Variants in FOXP2 observed in about 807,000 individuals in gnomAD.
The protein encoded by FOXP2 is forkhead box protein P2.
FOXP2 carries 12 observed loss-of-function variants against 115.8 expected under a neutral mutation model. The ratio of observed to expected loss-of-function variants is 0.10; its 90% CI spans 0.07 to 0.17. The LOEUF (loss-of-function observed/expected upper bound fraction) is 0.17, where lower values mean the gene tolerates loss of function less well. Ranked by LOEUF, FOXP2 falls within the 10% of genes least tolerant of loss-of-function variation. FOXP2 has a pLI of 1.00. For synonymous variants in FOXP2, 328 were observed against 297.7 expected (o/e 1.10, Z -1.05); for missense variants, 629 against 843.5 (o/e 0.75, Z 3.15).
intron 2 of FOXP2, among the ~76,000 whole-genome samples, chr7:114,378,701 A>AAAAAAAAAAAAAAAAAAAAAAAAAAG (rs1554380027): frequency 2.5e-4 from 27 of 106,786 alleles, no homozygotes; most frequent in Admixed American, 5.5e-4. Context: ...AAAAAAAAAA[A>AAAAAAAAAAAAAAAAAAAAAAAAAAG]GGAAAAGAAA....
At position 114,587,879 on chromosome 7, in the gene FOXP2, A is replaced by ATATATATATATATATAT; in HGVS notation, c.259-40661_259-40660insTATATATATATATATAT. Among the ~76,000 whole-genome samples, 72 of 76,364 alleles carry ATATATATATATATATAT rather than the reference A, an allele frequency of 9.4e-4. 1 individual carries two copies. The highest frequency in any genetic ancestry group is 5.3e-3 in the Middle Eastern group (1 of 190). The allele number at this position is 76,364 out of a possible 152,430, so 50.1% of individuals were successfully genotyped here. On this transcript the variant is annotated intron_variant, in intron 3 of 16. Coordinates refer to ENST00000350908, the MANE Select transcript of FOXP2 (RefSeq NM_014491.4). The stretch of plus-strand genomic sequence containing the variant: ...CTAATTGGGTGAATAAGAGATAATT[A>ATATATATATATATATAT]AATCCACCTTTCTTAGTGCCTTATT...
intron 2 of FOXP2, among the ~76,000 whole-genome samples, chr7:114,381,611 C>T (rs1349787265): frequency 6.6e-6 from 1 of 152,170 alleles, no homozygotes; most frequent in African/African-American, 2.4e-5. Flanking sequence ...GACTGTAAAC[C>T]ACTCTGCTTC....
Position 114,430,479 on chromosome 7 carries a change from G to C in FOXP2, c.168+3800G>C, listed in dbSNP as rs57105038. Among the ~76,000 whole-genome samples the C allele has an allele frequency of 7.0e-3, 1,069 of 151,804 alleles. 11 individuals carry two copies. The highest frequency in any genetic ancestry group is 0.025 in the African/African-American group (1,019 of 41,512). On this transcript the variant is annotated intron_variant, in intron 2 of 16. Transcript: ENST00000350908. Reference sequence around the variant, plus strand: ...GATTTTAGACATTGTTTGACTAGATGATATGTCAGTTATTACATACATATT... The same window carrying C: ...GATTTTAGACATTGTTTGACTAGATCATATGTCAGTTATTACATACATATT...
At chr7:114,273,513 T>C (rs1306859732) in intron 1 of FOXP2, among the ~76,000 whole-genome samples, 2 of 152,116 alleles carry the variant, frequency 1.3e-5, no homozygotes, top group African/African-American at 4.8e-5. Context: ...ATTTTCTGCC[T>C]GATAGATCTG....
chr7:114,241,441 T>A (rs1224148826), intron 1 of FOXP2, among the ~76,000 whole-genome samples: 1 of 152,066 alleles, frequency 6.6e-6, no homozygotes, highest in Non-Finnish European at 1.5e-5. Context: ...AAATACTGAA[T>A]TTAAGTCATG....
chr7:114,141,755 G>T (rs991012999), intron 1 of FOXP2, among the ~76,000 whole-genome samples: 3 of 152,212 alleles, frequency 2.0e-5, no homozygotes, highest in African/African-American at 7.2e-5. Flanking sequence ...AATGTTAACT[G>T]TAACAGCCTA....
intron 1 of FOXP2, among the ~76,000 whole-genome samples, chr7:114,262,249 C>A (rs1029312328): frequency 6.6e-6 from 1 of 151,956 alleles, no homozygotes; most frequent in Non-Finnish European, 1.5e-5. Context: ...CATAGTGAGG[C>A]CCCATCTCTA....
At chr7:114,457,714 T>C (rs781750467) in intron 2 of FOXP2, among the ~76,000 whole-genome samples, 26 of 152,024 alleles carry the variant, frequency 1.7e-4, no homozygotes, top group Admixed American at 3.9e-4. Flanking sequence ...CTGCCTAACA[T>C]GGTGAAACCC....
At chr7:114,255,729 C>T (rs1481835120) in intron 1 of FOXP2, among the ~76,000 whole-genome samples, 1 of 152,160 alleles carries the variant, frequency 6.6e-6, no homozygotes. Context: ...ATTCCTGACC[C>T]TTGTGCTTCC....
chr7:114,363,837 A>T (rs1320531927), intron 2 of FOXP2, among the ~76,000 whole-genome samples: 1 of 152,124 alleles, frequency 6.6e-6, no homozygotes, highest in Non-Finnish European at 1.5e-5. Flanking sequence ...TTTAAAAAAA[A>T]AGTACATCCA....
chr7:114,462,332 A>T, intron 2 of FOXP2, among the ~76,000 whole-genome samples: 1 of 146,996 alleles, frequency 6.8e-6, no homozygotes. Flanking sequence ...CAGAAATAAA[A>T]CTCAGCTCTG....
chr7:114,255,323 G>C lies in FOXP2; in HGVS notation c.-101-32696G>C, dbSNP rs562827929. Among the ~76,000 whole-genome samples the C allele has an allele frequency of 9.8e-4, 150 of 152,308 alleles. 8 individuals are homozygous for C. In the South Asian group the frequency reaches 0.031, roughly 31 times the overall value. On this transcript the variant is annotated intron_variant, in intron 1 of 17. Coordinates refer to the FOXP2 transcript ENST00000634411. The stretch of plus-strand genomic sequence containing the variant: ...ACCACTACTCTTTTCAAAGCTGTCA[G>C]ACAGGGACATTTAAGTCTGCAGTGG...
upstream of FOXP2, chr7:114,414,111 C>T (rs777464307): frequency 1.3e-5 from 2 of 152,076 alleles, no homozygotes; most frequent in African/African-American, 2.4e-5. Flanking sequence ...GTAAGTTGTT[C>T]ATTCTGTCTC....
At chr7:114,258,784 A>T (rs569636131) in intron 1 of FOXP2, among the ~76,000 whole-genome samples, 1 of 152,302 alleles carries the variant, frequency 6.6e-6, no homozygotes, top group South Asian at 2.1e-4. Flanking sequence ...TAAGTAGTAG[A>T]CAAGATGAAG....
At position 114,628,578 on chromosome 7, in the gene FOXP2, C is replaced by A. The variant is rs1273130374; in HGVS notation, c.297C>A (p.Ile99=). 1 of 1,613,968 alleles carries A rather than the reference C, an allele frequency of 6.2e-7. No homozygotes were observed. The highest frequency in any genetic ancestry group is 1.3e-5 in the African/African-American group (1 of 74,920). Reference sequence around the variant, plus strand: ...TGGCCATGATGACTCCCCAGGTGATCACCCCTCAGCAAATGCAGCAGATCC... The same window carrying A: ...TGGCCATGATGACTCCCCAGGTGATAACCCCTCAGCAAATGCAGCAGATCC... The part of the protein sequence containing the change: ...VSVAMMTPQV[I]TPQQMQQILQ... The change falls in exon 4 of 17, where the codon ATC becomes ATA. Residue 99 remains isoleucine, a synonymous_variant. Transcript: ENST00000350908.
chr7:114,480,899 C>T (rs1412547562), intron 2 of FOXP2, among the ~76,000 whole-genome samples: 2 of 151,012 alleles, frequency 1.3e-5, no homozygotes, highest in Non-Finnish European at 3.0e-5. Context: ...GTCAGTCTCC[C>T]AATAAACAGT....
At chr7:114,516,455 C>G (rs777510029) in intron 2 of FOXP2, among the ~76,000 whole-genome samples, 12 of 152,202 alleles carry the variant, frequency 7.9e-5, no homozygotes, top group Non-Finnish European at 1.5e-4. Flanking sequence ...ACCATAAAAA[C>G]CCTAGAAGAA....
At chr7:114,492,390 A>T (rs1204105187) in intron 2 of FOXP2, among the ~76,000 whole-genome samples, 2 of 151,568 alleles carry the variant, frequency 1.3e-5, no homozygotes, top group Admixed American at 1.3e-4. Context: ...TTTTTGAAGG[A>T]TTTTTTGTAT....
intron 16 of FOXP2, among the ~76,000 whole-genome samples, chr7:114,672,188 T>C (rs1807523594): frequency 6.6e-6 from 1 of 152,224 alleles, no homozygotes; most frequent in Admixed American, 6.5e-5. Context: ...CACAATGTTA[T>C]CTTACTATAA....
Sources: gnomAD v4.1 joint callset for allele counts (sites outside exome capture counted in the v4.1 genomes callset) on GRCh38, gnomAD v4.1.1 for gene constraint, MANE v1.5 for transcripts, NCBI Gene and HGNC (gene_info 2026-07-23, HGNC 2026-07-21) for gene names.